MYOCD: variants seen among roughly 807,000 people sequenced by gnomAD.
MYOCD encodes myocardin.
A neutral mutation model predicts 96.1 loss-of-function variants in MYOCD; 32 were observed. That is an observed-to-expected ratio of 0.33 (90% CI 0.25 to 0.45). The LOEUF (loss-of-function observed/expected upper bound fraction) is 0.45, where lower values mean the gene tolerates loss of function less well. Ranked by LOEUF, MYOCD falls within the 20% of genes least tolerant of loss-of-function variation. MYOCD has a pLI of 1.00. For synonymous variants in MYOCD, 469 were observed against 469.0 expected, an observed-to-expected ratio of 1.00 and a Z score of 0.00; for missense variants, 1,133 against 1,200.6, an observed-to-expected ratio of 0.94 and a Z score of 0.83.
Position 12,764,805 on chromosome 17 carries a change from G to A in MYOCD, c.*1161G>A, listed in dbSNP as rs2033291478. On this transcript the variant is annotated 3_prime_UTR_variant, in exon 14 of 14. Transcript: ENST00000425538. ...TTCTAACAAGCTGCCATACTCCTAA[G>A]AAAGCCATTTTTGAAAAATTTAACA... is the stretch of plus-strand genomic sequence containing the variant. 2 of 152,172 alleles carry A rather than the reference G, an allele frequency of 1.3e-5. No individual in the cohort carries two copies. Among genetic ancestry groups the A allele is most frequent in the Admixed American group, 1.3e-4 (2 of 15,276 alleles). 9.4% of individuals were successfully genotyped at this position (152,172 alleles called of 1,614,324 possible). A position where few individuals can be genotyped will look rare whatever the true frequency, so the allele number is the denominator to read the frequency against.
At position 12,758,198 on chromosome 17, in the gene MYOCD, A is replaced by T. The variant is rs1327919864; in HGVS notation, c.2316A>T (p.Glu772Asp). ...ISEVTQPPSYEDAVKQQMTRS... is the reference protein window; with the variant it reads ...ISEVTQPPSYDDAVKQQMTRS... The stretch of plus-strand genomic sequence containing the variant: ...AGGTAACACAGCCTCCATCCTATGA[A>T]GATGCCGTAAAGCAGGTAACCATGT... The change falls in exon 12 of 14, where the codon GAA becomes GAT. Residue 772 changes from glutamate (E) to aspartate (D), a missense_variant. Transcript: ENST00000425538. The T allele has an allele frequency of 1.2e-5, 19 of 1,614,002 alleles. No individual in the cohort carries two copies. Among genetic ancestry groups the T allele is most frequent in the Non-Finnish European group, 1.6e-5 (19 of 1,179,960 alleles).
rs778617750 is a variant in MYOCD at position 12,766,053 on chromosome 17, A to C, written c.*2409A>C. 6.6e-6 allele frequency: 1 copy of C among 151,798 alleles called. No individual in the cohort carries two copies. The highest frequency in any genetic ancestry group is 6.6e-5 in the Admixed American group (1 of 15,236). 9.4% of individuals were successfully genotyped at this position (151,798 alleles called of 1,614,324 possible). A position where few individuals can be genotyped will look rare whatever the true frequency, so the allele number is the denominator to read the frequency against. On this transcript the variant is annotated 3_prime_UTR_variant, in exon 14 of 14. Transcript: ENST00000425538. The stretch of plus-strand genomic sequence containing the variant: ...CTGGGGAAGAAAACCTTATTAATAC[A>C]CTCCACACATTTGTTCATTCCTCAG...
intron 1 of MYOCD, among the ~76,000 whole-genome samples, chr17:12,668,635 G>A (rs754609430): frequency 6.6e-6 from 1 of 151,954 alleles, no homozygotes; most frequent in African/African-American, 2.4e-5. Context: ...AAGCCAAAGG[G>A]TGTCCTGGTT....
rs755964858 is a variant in MYOCD at position 12,763,147 on chromosome 17, C to A, written c.2464C>A (p.Pro822Thr). Residue 822 changes from proline (P) to threonine (T), a missense_variant, in exon 14 of 14, where the codon CCA becomes ACA. Coordinates refer to ENST00000425538, the MANE Select transcript of MYOCD (RefSeq NM_001146312.3). ...AAAGATACCCAGATCTTCCCGAAGT[C>A]CAACTGCTGTCCTCACCAAGCCCTC... ...VPKIPRSSRS[P>T]TAVLTKPSAS... 4 of 1,614,172 alleles carry A rather than the reference C, an allele frequency of 2.5e-6. No individual in the cohort carries two copies. The highest frequency in any genetic ancestry group is 3.4e-6 in the Non-Finnish European group (4 of 1,180,026).
At chr17:12,670,123 C>T (rs1334626747) in intron 1 of MYOCD, among the ~76,000 whole-genome samples, 2 of 151,936 alleles carry the variant, frequency 1.3e-5, no homozygotes, top group African/African-American at 2.4e-5. Context: ...GCAGGCAGGC[C>T]GGTGCTCAAG....
Position 12,764,903 on chromosome 17 carries a change from G to A in MYOCD, c.*1259G>A, listed in dbSNP as rs1400202346. 6.6e-6 allele frequency: 1 copy of A among 152,206 alleles called. No individual in the cohort carries two copies. Among genetic ancestry groups the A allele is most frequent in the African/African-American group, 2.4e-5 (1 of 41,460 alleles). 9.4% of individuals were successfully genotyped at this position (152,206 alleles called of 1,614,324 possible). On this transcript the variant is annotated 3_prime_UTR_variant, in exon 14 of 14. Coordinates refer to ENST00000425538, the MANE Select transcript of MYOCD (RefSeq NM_001146312.3). The stretch of plus-strand genomic sequence containing the variant: ...CAAAAGGAAGTTGCAAGAATTTCTT[G>A]AGGAAGAAACTGGTGACTTGGTCCA...
At chr17:12,718,141 G>C (rs770177655) in intron 4 of MYOCD, among the ~76,000 whole-genome samples, 16 of 152,200 alleles carry the variant, frequency 1.1e-4, no homozygotes, top group Non-Finnish European at 2.4e-4. Flanking sequence ...TCTGCTAGGA[G>C]TTGGCTGCTC....
At chr17:12,675,740 T>A (rs1352282253) in intron 1 of MYOCD, among the ~76,000 whole-genome samples, 1 of 152,136 alleles carries the variant, frequency 6.6e-6, no homozygotes, top group Non-Finnish European at 1.5e-5. Flanking sequence ...AAGCCTGTAG[T>A]CCCAGCTACC....
At chr17:12,678,251 A>G (rs974134152) in intron 1 of MYOCD, among the ~76,000 whole-genome samples, 2 of 151,936 alleles carry the variant, frequency 1.3e-5, no homozygotes, top group Admixed American at 1.3e-4. Flanking sequence ...TTGTCATTAT[A>G]TAACTTATAT....
chr17:12,677,659 C>A (rs1597725260), intron 1 of MYOCD, among the ~76,000 whole-genome samples: 1 of 151,384 alleles, frequency 6.6e-6, no homozygotes, highest in Non-Finnish European at 1.5e-5. Context: ...TTGCAGTGAG[C>A]CGAGATCACG....
intron 2 of MYOCD, among the ~76,000 whole-genome samples, chr17:12,706,757 T>C (rs2031302295): frequency 1.3e-5 from 2 of 152,188 alleles, no homozygotes; most frequent in African/African-American, 4.8e-5. Context: ...ATTTGTATAG[T>C]AGAGTCCAAT....
chr17:12,670,776 A>C (rs1420597681), intron 1 of MYOCD, among the ~76,000 whole-genome samples: 6 of 152,202 alleles, frequency 3.9e-5, no homozygotes, highest in African/African-American at 7.2e-5. Context: ...AATGGCCCTA[A>C]ATATTTTTGT....
At chr17:12,698,029 G>T (rs1296137763) in intron 1 of MYOCD, among the ~76,000 whole-genome samples, 1 of 152,168 alleles carries the variant, frequency 6.6e-6, no homozygotes, top group Non-Finnish European at 1.5e-5. Context: ...CTCAGGAGGG[G>T]CAGGCTGAAC....
intron 12 of MYOCD, among the ~76,000 whole-genome samples, chr17:12,759,832 G>A (rs181325403): frequency 3.3e-5 from 5 of 151,696 alleles, no homozygotes; most frequent in East Asian, 2.0e-4. Flanking sequence ...AAGTAAGAGC[G>A]TAAAAAGACA....
intron 1 of MYOCD, among the ~76,000 whole-genome samples, chr17:12,681,116 C>G (rs191256246): frequency 1.3e-5 from 2 of 152,312 alleles, no homozygotes; most frequent in East Asian, 3.9e-4. Flanking sequence ...TGATCTCATG[C>G]ACCTTTGGAT....
chr17:12,768,888 C>T lies in MYOCD; in HGVS notation c.*5244C>T, dbSNP rs796402604. 5 of 130,536 alleles carry T rather than the reference C, an allele frequency of 3.8e-5. No homozygotes were observed. Among genetic ancestry groups the T allele is most frequent in the South Asian group, 2.5e-4 (1 of 4,046 alleles). The allele number at this position is 130,536 out of a possible 1,614,324, so 8.1% of individuals were successfully genotyped here. A position where few individuals can be genotyped will look rare whatever the true frequency, so the allele number is the denominator to read the frequency against. On this transcript the variant is annotated 3_prime_UTR_variant, in exon 14 of 14. Transcript: ENST00000425538. The stretch of plus-strand genomic sequence containing the variant: ...TAAAATACCAAAGTTGGCATGTGTT[C>T]TTTTTTAAAAAAAAAAAAAAATGCA...
intron 9 of MYOCD, among the ~76,000 whole-genome samples, chr17:12,750,137 A>G (rs2032804264): frequency 6.6e-6 from 1 of 151,952 alleles, no homozygotes; most frequent in Admixed American, 6.6e-5. Context: ...GCGCCCGGCT[A>G]AAGTTTTTGA....
chr17:12,671,602 C>T (rs1156399694), intron 1 of MYOCD, among the ~76,000 whole-genome samples: 2 of 152,058 alleles, frequency 1.3e-5, no homozygotes, highest in African/African-American at 4.8e-5. Flanking sequence ...TTCTGTGTAC[C>T]CAGGATACTT....
At chr17:12,704,694 G>T (rs1217325442) in intron 1 of MYOCD, among the ~76,000 whole-genome samples, 1 of 152,194 alleles carries the variant, frequency 6.6e-6, no homozygotes, top group African/African-American at 2.4e-5. Context: ...GAAACTGAGG[G>T]TCAGAGAGGT....
Sources: allele counts gnomAD v4.1 joint callset (sites outside exome capture counted in the v4.1 genomes callset), GRCh38; gene constraint gnomAD v4.1.1; transcripts MANE v1.5; gene names NCBI Gene and HGNC (gene_info 2026-07-23, HGNC 2026-07-21).